The following THSD7A variants were observed in gnomAD, a reference collection of about 807,000 sequenced individuals.
The protein encoded by THSD7A is thrombospondin type 1 domain containing 7A, also known as thrombospondin type-1 domain-containing protein 7A.
A neutral mutation model predicts 231.3 loss-of-function variants in THSD7A; 96 were observed. That is an observed-to-expected ratio of 0.41 (90% CI 0.35 to 0.49). THSD7A has a LOEUF of 0.49. Ranked by LOEUF, THSD7A falls within the 20% of genes least tolerant of loss-of-function variation. The pLI is 0.05. For synonymous variants in THSD7A, 940 were observed against 743.3 expected, an observed-to-expected ratio of 1.26 and a Z score of -4.30; for missense variants, 2,290 against 2,070.2, an observed-to-expected ratio of 1.11 and a Z score of -2.06.
intron 1 of THSD7A, among the ~76,000 whole-genome samples, chr7:11,664,518 A>C (rs1783047787): frequency 6.6e-6 from 1 of 152,028 alleles, no homozygotes; most frequent in Non-Finnish European, 1.5e-5. Flanking sequence ...TCTAGAGATA[A>C]GAAATCCCAC....
intron 1 of THSD7A, among the ~76,000 whole-genome samples, chr7:11,686,058 C>T (rs564708689): frequency 8.0e-4 from 122 of 151,868 alleles, no homozygotes; most frequent in African/African-American, 2.9e-3. Flanking sequence ...ATGTCCTTTT[C>T]AGTGTTAGCA....
chr7:11,415,451 A>G (rs1402941094), intron 17 of THSD7A, among the ~76,000 whole-genome samples: 2 of 152,192 alleles, frequency 1.3e-5, no homozygotes, highest in Non-Finnish European at 2.9e-5. Flanking sequence ...TCCCAAAACT[A>G]AAGTCTGATT....
chr7:11,558,954 G>C (rs60842892), intron 4 of THSD7A, among the ~76,000 whole-genome samples: 41,907 of 151,174 alleles, frequency 0.28, 5,850 homozygotes, highest in Middle Eastern at 0.43. Context: ...GAAGCTTCTC[G>C]AGTGCGTTAG....
intron 6 of THSD7A, among the ~76,000 whole-genome samples, chr7:11,535,962 T>C (rs1231501888): frequency 1.3e-5 from 2 of 152,176 alleles, no homozygotes; most frequent in African/African-American, 4.8e-5. Flanking sequence ...TAATAAATGA[T>C]AAAATATGGC....
chr7:11,642,930 T>C (rs1441428652), intron 1 of THSD7A, among the ~76,000 whole-genome samples: 2 of 152,226 alleles, frequency 1.3e-5, no homozygotes, highest in East Asian at 1.9e-4. Flanking sequence ...ATATTCAACA[T>C]TGACTTCTCT....
intron 6 of THSD7A, among the ~76,000 whole-genome samples, chr7:11,521,591 C>T (rs1209667267): frequency 7.0e-6 from 1 of 143,100 alleles, no homozygotes; most frequent in Admixed American, 7.0e-5. Flanking sequence ...GCTGCACCCA[C>T]TAACGTGTCA....
At chr7:11,693,845 A>G (rs1452158537) in intron 1 of THSD7A, among the ~76,000 whole-genome samples, 1 of 151,532 alleles carries the variant, frequency 6.6e-6, no homozygotes, top group Admixed American at 6.6e-5. Context: ...TAAATATTTT[A>G]ATAAGGTTTT....
intron 6 of THSD7A, among the ~76,000 whole-genome samples, chr7:11,497,301 T>C (rs756681020): frequency 6.6e-6 from 1 of 152,174 alleles, no homozygotes; most frequent in Non-Finnish European, 1.5e-5. Flanking sequence ...GGAACTACAA[T>C]TTAAAATGAG....
chr7:11,681,839 A>T (rs867869796), intron 1 of THSD7A, among the ~76,000 whole-genome samples: 3 of 151,852 alleles, frequency 2.0e-5, no homozygotes, highest in African/African-American at 7.3e-5. Context: ...GAAAAAAAAA[A>T]CCTGAAAGGC....
Position 11,636,292 on chromosome 7 carries a change from C to A in THSD7A, c.860G>T (p.Arg287Leu), listed in dbSNP as rs1156455476. The change falls in exon 2 of 28, where the codon CGC becomes CTC. Residue 287 changes from arginine to leucine, a missense_variant. Arg to Leu is a moderately radical substitution (Grantham distance 102, BLOSUM62 -2). Coordinates refer to ENST00000423059, the MANE Select transcript of THSD7A (RefSeq NM_015204.3). This position sits in a 1 kb window ranked among gnomAD's most constrained non-coding sequence, Gnocchi z 10.0. ...RGKNKEREKDRSKGVKDPEAR... is the reference protein window; with the variant it reads ...RGKNKEREKDLSKGVKDPEAR... ...TTCTGGATCCTTTACTCCTTTGCTG[C>A]GGTCCTTTTCCCGTTCTTTATTCTT... 6.2e-7 allele frequency: 1 copy of A among 1,613,974 alleles called. No individual in the cohort carries two copies. Among genetic ancestry groups the A allele is most frequent in the Non-Finnish European group, 8.5e-7 (1 of 1,179,898 alleles).
At position 11,379,669 on chromosome 7, in the gene THSD7A, A is replaced by C; in HGVS notation, c.4551T>G (p.Cys1517Trp). The C allele has an allele frequency of 6.3e-7, 1 of 1,594,276 alleles. No individual in the cohort carries two copies. Among genetic ancestry groups the C allele is most frequent in the Non-Finnish European group, 8.5e-7 (1 of 1,169,700 alleles). Residue 1517 changes from cysteine to tryptophan, a missense_variant, in exon 25 of 28, where the codon TGT becomes TGG. Physicochemically the swap from Cys to Trp is radical, Grantham distance 215. Transcript: ENST00000423059. ...AGTGGGGTTGACTACACGGTGGGTT[A>C]CAAGACCTGTCGGCATCAGGCTGGC... ...VMSQPDADRS[C>W]NPPCSQPHSY... is the part of the protein sequence containing the mutation.
chr7:11,452,542 A>C (rs954929415), intron 11 of THSD7A, among the ~76,000 whole-genome samples: 1 of 152,008 alleles, frequency 6.6e-6, no homozygotes, highest in Non-Finnish European at 1.5e-5. Flanking sequence ...AATATATGTG[A>C]GAATACTAGG....
intron 1 of THSD7A, among the ~76,000 whole-genome samples, chr7:11,766,527 C>T (rs749815705): frequency 6.6e-5 from 10 of 152,122 alleles, no homozygotes; most frequent in African/African-American, 1.9e-4. Flanking sequence ...TTGGTTCAAA[C>T]GTTTATCCTT....
intron 1 of THSD7A, among the ~76,000 whole-genome samples, chr7:11,664,502 G>T (rs1422471755): frequency 1.3e-5 from 2 of 151,926 alleles, no homozygotes; most frequent in African/African-American, 4.8e-5. Context: ...TACTAAAAGA[G>T]AAAATTCTAG....
At chr7:11,626,732 C>A (rs894095895) in intron 2 of THSD7A, among the ~76,000 whole-genome samples, 1 of 152,060 alleles carries the variant, frequency 6.6e-6, no homozygotes, top group African/African-American at 2.4e-5. Context: ...TTTAAAAATT[C>A]TCAGAGACTA....
chr7:11,737,282 G>A (rs1272370020), intron 1 of THSD7A, among the ~76,000 whole-genome samples: 2 of 146,970 alleles, frequency 1.4e-5, no homozygotes, highest in East Asian at 2.0e-4. Context: ...TCTGAAGACA[G>A]AAGCTGTTTT....
intron 1 of THSD7A, among the ~76,000 whole-genome samples, chr7:11,665,656 A>C (rs1227608445): frequency 6.6e-6 from 1 of 152,106 alleles, no homozygotes; most frequent in Non-Finnish European, 1.5e-5. Flanking sequence ...GAGCTCTCTA[A>C]AACTGTGAGG....
chr7:11,556,677 G>C (rs1789859736), intron 4 of THSD7A, among the ~76,000 whole-genome samples: 1 of 151,768 alleles, frequency 6.6e-6, no homozygotes, highest in Admixed American at 6.6e-5. Context: ...ACTTCTCTTA[G>C]TTTTCCTTCA....
chr7:11,562,997 T>C (rs924194034), intron 4 of THSD7A, among the ~76,000 whole-genome samples: 4 of 152,132 alleles, frequency 2.6e-5, no homozygotes, highest in African/African-American at 7.2e-5. Context: ...TTAGCTAGAG[T>C]CACTAAAAAT....
Sources: gnomAD v4.1 joint callset for allele counts (sites outside exome capture counted in the v4.1 genomes callset) on GRCh38, gnomAD v4.1.1 for gene constraint, Gnocchi (gnomAD v3.1) non-coding constraint, MANE v1.5 for transcripts, NCBI Gene and HGNC (gene_info 2026-07-23, HGNC 2026-07-21) for gene names.